The following LPCAT2 variants were observed in gnomAD, a reference collection of about 807,000 sequenced individuals.
LPCAT2 encodes the protein 1-AGP acyltransferase 11.
Under a neutral mutation model 64.7 loss-of-function variants are expected in LPCAT2, and 58 were observed. The observed-to-expected ratio is 0.90, with a 90% confidence interval of 0.73 to 1.12. The LOEUF is 1.12. Ranked by LOEUF, LPCAT2 falls within the 50% of genes most tolerant of loss-of-function variation. The pLI is 0.00. For missense variants in LPCAT2, 579 were observed against 669.8 expected (o/e 0.86, Z 1.50); for synonymous variants, 252 against 245.3 (o/e 1.03, Z -0.26).
chr16:55,514,980 G>A (rs1596844589), intron 1 of LPCAT2, among the ~76,000 whole-genome samples: 1 of 150,556 alleles, frequency 6.6e-6, no homozygotes, highest in East Asian at 2.0e-4. Context: ...AAAAGAATCA[G>A]CAAACTTGAA....
intron 11 of LPCAT2, among the ~76,000 whole-genome samples, chr16:55,571,638 TAA>T (rs1406875694): frequency 6.6e-6 from 1 of 152,148 alleles, no homozygotes; most frequent in African/African-American, 2.4e-5. Context: ...TTTTTTTTAT[TAA>T]GTTTATAATT....
chr16:55,536,095 G>A (rs1359383179), intron 7 of LPCAT2, among the ~76,000 whole-genome samples: 2 of 152,108 alleles, frequency 1.3e-5, no homozygotes, highest in South Asian at 2.1e-4. Flanking sequence ...CAAATCTCAC[G>A]TCCACTTTTG....
intron 1 of LPCAT2, among the ~76,000 whole-genome samples, chr16:55,514,890 T>TTG (rs35295405): frequency 0.25 from 35,825 of 141,052 alleles, 4,465 homozygotes; most frequent in Non-Finnish European, 0.28. Context: ...ATGCAATGCA[T>TTG]TGTGTGTGTG....
chr16:55,509,345 G>A lies in LPCAT2; in HGVS notation c.164G>A (p.Arg55Gln), dbSNP rs1337766038. 5.6e-6 allele frequency: 8 copies of A among 1,441,162 alleles called. No homozygotes were observed. The highest frequency in any genetic ancestry group is 7.4e-6 in the Non-Finnish European group (8 of 1,087,184). 89.3% of individuals were successfully genotyped at this position (1,441,162 alleles called of 1,614,324 possible). ...VQQTQIGSAR[R>Q]VQIVLLGIIL... is the part of the protein sequence containing the mutation. Reference sequence around the variant, plus strand: ...CAGACGCAGATCGGCTCCGCGAGGCGGGTCCAGGTGAGGGGCGTGGGTCTG... The same window carrying A: ...CAGACGCAGATCGGCTCCGCGAGGCAGGTCCAGGTGAGGGGCGTGGGTCTG... The change falls in exon 1 of 14, where the codon CGG (arginine) becomes CAG (glutamine). Residue 55 changes from arginine to glutamine, a missense_variant. By Grantham distance (43) the Arg-to-Gln change is conservative. Transcript: ENST00000262134.
Position 55,536,882 on chromosome 16 carries a change from G to T in LPCAT2, c.798-696G>T, listed in dbSNP as rs1297742112. ...CTTAACCACTTTAAAGACAGCATTTGCCTGCCTTTACAATGAAATTTGAAG... is the reference window on the plus strand; with the variant it reads ...CTTAACCACTTTAAAGACAGCATTTTCCTGCCTTTACAATGAAATTTGAAG... On this transcript the variant is annotated intron_variant, in intron 7 of 13. Coordinates refer to ENST00000262134, the MANE Select transcript of LPCAT2 (RefSeq NM_017839.5). Among the ~76,000 whole-genome samples, 4 of 152,060 alleles carry T rather than the reference G, an allele frequency of 2.6e-5. No individual in the cohort carries two copies. The East Asian group carries it at 7.7e-4, about 29-fold the overall frequency.
intron 11 of LPCAT2, among the ~76,000 whole-genome samples, chr16:55,570,983 A>G (rs1256981408): frequency 6.6e-6 from 1 of 152,154 alleles, no homozygotes; most frequent in Non-Finnish European, 1.5e-5. Flanking sequence ...TGTTTTATGT[A>G]AACGTTTTAA....
chr16:55,520,716 A>C (rs1341180342), intron 1 of LPCAT2, among the ~76,000 whole-genome samples: 2 of 151,994 alleles, frequency 1.3e-5, no homozygotes, highest in Non-Finnish European at 2.9e-5. Flanking sequence ...TCTGATAAAA[A>C]TCTACATATT....
At chr16:55,567,140 G>C (rs1186946961) in intron 11 of LPCAT2, 12 of 1,613,880 alleles carry the variant, frequency 7.4e-6, no homozygotes, top group South Asian at 1.1e-5. Context: ...GGAGCATTGT[G>C]TCTGTCATGG....
At chr16:55,567,084 A>C (rs1345862246) in intron 11 of LPCAT2, 1 of 1,613,824 alleles carries the variant, frequency 6.2e-7, no homozygotes, top group Non-Finnish European at 8.5e-7. Context: ...AGTCCTTTCT[A>C]AGCACAAAGA....
At chr16:55,539,911 G>A (rs780088152) in intron 8 of LPCAT2, 9 of 151,994 alleles carry the variant, frequency 5.9e-5, no homozygotes, top group Non-Finnish European at 1.2e-4. Flanking sequence ...TCAAGAATAT[G>A]GTATTAATTT....
intron 11 of LPCAT2, among the ~76,000 whole-genome samples, chr16:55,564,026 A>T (rs1297657822): frequency 6.6e-6 from 1 of 151,976 alleles, no homozygotes; most frequent in Admixed American, 6.6e-5. Context: ...ATGAATCAAC[A>T]CACAAAAATC....
intron 11 of LPCAT2, chr16:55,567,271 C>G (rs1374226910): frequency 4.3e-6 from 7 of 1,613,642 alleles, no homozygotes; most frequent in Non-Finnish European, 5.9e-6. Context: ...CTGGGAAGTT[C>G]TCAGCTGCGG....
chr16:55,513,989 G>A (rs1189688530), intron 1 of LPCAT2, among the ~76,000 whole-genome samples: 1 of 152,144 alleles, frequency 6.6e-6, no homozygotes, highest in Non-Finnish European at 1.5e-5. Flanking sequence ...GATTGCTTGA[G>A]ACCAGAAGTT....
chr16:55,538,800 T>C (rs1023122998), intron 8 of LPCAT2: 33 of 150,066 alleles, frequency 2.2e-4, no homozygotes, highest in African/African-American at 7.8e-4. Flanking sequence ...ACAAAATGAA[T>C]TTTTTTTTTC....
intron 2 of LPCAT2, among the ~76,000 whole-genome samples, chr16:55,527,396 C>G (rs546665724): frequency 6.7e-6 from 1 of 149,458 alleles, no homozygotes; most frequent in East Asian, 2.0e-4. Context: ...AGGAGAATCG[C>G]TTGTACCTGG....
At chr16:55,538,875 G>A (rs943967138) in intron 8 of LPCAT2, 2 of 151,834 alleles carry the variant, frequency 1.3e-5, no homozygotes, top group African/African-American at 4.8e-5. Context: ...ATATCTCCCG[G>A]AACCAGTGTT....
chr16:55,545,612 C>T (rs571876951), intron 8 of LPCAT2, 123 bp from the exon 9 acceptor site: 6 of 656,096 alleles, frequency 9.1e-6, no homozygotes, highest in African/African-American at 1.8e-5. Context: ...CCCATTACCT[C>T]ATATAACCTA....
At chr16:55,526,704 C>G (rs533572774) in intron 2 of LPCAT2, among the ~76,000 whole-genome samples, 2 of 152,138 alleles carry the variant, frequency 1.3e-5, no homozygotes, top group South Asian at 4.2e-4. Context: ...TATGACTCAC[C>G]AATTCTTTTC....
At chr16:55,541,898 T>G (rs1209551489) in intron 8 of LPCAT2, 2 of 1,287,288 alleles carry the variant, frequency 1.6e-6, no homozygotes, top group Non-Finnish European at 2.0e-6. Context: ...TTCCTTCTTT[T>G]GCATTTTTTC....
Sources: allele counts gnomAD v4.1 joint callset (sites outside exome capture counted in the v4.1 genomes callset), GRCh38; gene constraint gnomAD v4.1.1; transcripts MANE v1.5; gene names NCBI Gene and HGNC (gene_info 2026-07-23, HGNC 2026-07-21).